PLA2G4A: variants seen among roughly 807,000 people sequenced by gnomAD.
PLA2G4A encodes the protein phospholipase A2 group IVA.
Under a neutral mutation model 81.9 loss-of-function variants are expected in PLA2G4A, and 40 were observed. That is an observed-to-expected ratio of 0.49 (90% CI 0.38 to 0.64). PLA2G4A has a LOEUF of 0.64. Ranked by LOEUF, PLA2G4A falls within the 30% of genes least tolerant of loss-of-function variation. The pLI, the probability that PLA2G4A is intolerant of heterozygous loss-of-function variation, is 0.00. For missense variants in PLA2G4A, 715 were observed against 905.1 expected, an observed-to-expected ratio of 0.79 and a Z score of 2.69; for synonymous variants, 302 against 296.9, an observed-to-expected ratio of 1.02 and a Z score of -0.18.
chr1:186,908,851 G>A (rs4650705), intron 6 of PLA2G4A, among the ~76,000 whole-genome samples: 144,813 of 151,878 alleles, frequency 0.95, 69,059 homozygotes, highest in East Asian at 1. Context: ...AAACATATAT[G>A]GAATGATGAA....
At chr1:186,941,990 T>A (rs1380797553) in intron 10 of PLA2G4A, among the ~76,000 whole-genome samples, 1 of 152,182 alleles carries the variant, frequency 6.6e-6, no homozygotes, top group African/African-American at 2.4e-5. Context: ...CCAGTACATT[T>A]TAACAATTTA....
chr1:186,901,695 T>G (rs570520632), intron 5 of PLA2G4A, among the ~76,000 whole-genome samples: 1 of 152,168 alleles, frequency 6.6e-6, no homozygotes, highest in Non-Finnish European at 1.5e-5. Context: ...CTGATGTCCA[T>G]GTAGGAAAAA....
At chr1:186,974,607 A>T (rs2102291124) in intron 15 of PLA2G4A, among the ~76,000 whole-genome samples, 1 of 152,366 alleles carries the variant, frequency 6.6e-6, no homozygotes, top group South Asian at 2.1e-4. Flanking sequence ...GTTTATCTTA[A>T]GTTAGTCTAT....
intron 7 of PLA2G4A, among the ~76,000 whole-genome samples, chr1:186,912,241 C>T (rs969387113): frequency 1.3e-5 from 2 of 152,168 alleles, no homozygotes; most frequent in African/African-American, 4.8e-5. Context: ...AACCATTATA[C>T]TCCCTAACTA....
chr1:186,834,320 G>T (rs1008559545), intron 1 of PLA2G4A, among the ~76,000 whole-genome samples: 2 of 151,882 alleles, frequency 1.3e-5, no homozygotes, highest in Non-Finnish European at 2.9e-5. Flanking sequence ...TAAGTTAGCA[G>T]TACAGGTATG....
chr1:186,919,162 GC>G (rs550071077), intron 7 of PLA2G4A, among the ~76,000 whole-genome samples: 1 of 152,156 alleles, frequency 6.6e-6, no homozygotes, highest in African/African-American at 2.4e-5. Flanking sequence ...TGTTGTAGAG[GC>G]CCCCATTCAA....
At chr1:186,883,381 G>A (rs1653809328) in intron 3 of PLA2G4A, among the ~76,000 whole-genome samples, 1 of 152,064 alleles carries the variant, frequency 6.6e-6, no homozygotes, top group African/African-American at 2.4e-5. Context: ...ATGCATTGTA[G>A]CTGCCATTTA....
At position 186,905,777 on chromosome 1, in the gene PLA2G4A, A is replaced by G. The variant is rs1047160636; in HGVS notation, c.379-1188A>G. Among the ~76,000 whole-genome samples, 6 of 152,134 alleles carry G rather than the reference A, an allele frequency of 3.9e-5. No homozygotes were observed. The South Asian group carries it at 8.3e-4, about 21-fold the overall frequency. ...ATCTGTTGTATGCCAAATACTATAC[A>G]ATGGACTAGTAATAGGAACCTATAT... On this transcript the variant is annotated intron_variant, in intron 5 of 17. Transcript: ENST00000367466.
At chr1:186,959,154 T>C (rs1656857371) in intron 14 of PLA2G4A, among the ~76,000 whole-genome samples, 1 of 151,980 alleles carries the variant, frequency 6.6e-6, no homozygotes, top group Non-Finnish European at 1.5e-5. Flanking sequence ...ACTTATAATG[T>C]GCTTGGTTCT....
At chr1:186,845,841 C>T (rs1016147311) in intron 1 of PLA2G4A, among the ~76,000 whole-genome samples, 14 of 152,090 alleles carry the variant, frequency 9.2e-5, no homozygotes, top group African/African-American at 2.2e-4. Flanking sequence ...TACATTGCAT[C>T]GGGAAGTATC....
chr1:186,934,443 C>CATATATGTATATATATATATAT (rs1655860279), intron 8 of PLA2G4A, among the ~76,000 whole-genome samples: 1 of 99,564 alleles, frequency 1.0e-5, no homozygotes, highest in Non-Finnish European at 1.9e-5. Context: ...TAAATGTGCA[C>CATATATGTATATATATATATAT]ATATATATAT....
At chr1:186,911,908 C>A (rs986771089) in intron 7 of PLA2G4A, among the ~76,000 whole-genome samples, 1 of 152,118 alleles carries the variant, frequency 6.6e-6, no homozygotes, top group Non-Finnish European at 1.5e-5. Flanking sequence ...AACTCCCAGT[C>A]AGAGGCTGGG....
intron 5 of PLA2G4A, among the ~76,000 whole-genome samples, chr1:186,900,455 G>A (rs894025906): frequency 2.0e-5 from 3 of 152,124 alleles, no homozygotes; most frequent in African/African-American, 7.2e-5. Context: ...TGATTTAACT[G>A]GATATCAAAC....
intron 2 of PLA2G4A, among the ~76,000 whole-genome samples, chr1:186,868,071 C>CTTTTTTTTTTTTTTTTTTTTTTTTTTT (rs59978011): frequency 8.9e-6 from 1 of 112,926 alleles, no homozygotes; most frequent in Non-Finnish European, 1.7e-5. Flanking sequence ...GTGTATAATT[C>CTTTTTTTTTTTTTTTTTTTTTTTTTTT]TTTTTTTTTT....
intron 17 of PLA2G4A, among the ~76,000 whole-genome samples, chr1:186,983,520 C>T (rs1015666767): frequency 5.9e-5 from 9 of 152,174 alleles, no homozygotes; most frequent in Non-Finnish European, 1.0e-4. Context: ...AGCTTGCCTG[C>T]TTTGCCAAAG....
chr1:186,857,328 A>G (rs1196236580), intron 2 of PLA2G4A, among the ~76,000 whole-genome samples: 1 of 122,494 alleles, frequency 8.2e-6, no homozygotes, highest in African/African-American at 3.1e-5. Flanking sequence ...AATATAATAT[A>G]AATATAATAT....
chr1:186,943,030 C>G (rs1227587510), intron 10 of PLA2G4A, among the ~76,000 whole-genome samples: 1 of 152,086 alleles, frequency 6.6e-6, no homozygotes, highest in Admixed American at 6.6e-5. Flanking sequence ...AATAGAGACA[C>G]GTCTGTAATT....
rs1011772868 is a variant in PLA2G4A, at chr1:186,910,027, A to G, written c.417-1221A>G. 2.2e-4 allele frequency among the ~76,000 whole-genome samples: 34 copies of G among 152,260 alleles called. 1 individual carries two copies. Among genetic ancestry groups the G allele is most frequent in the African/African-American group, 6.7e-4 (28 of 41,574 alleles). On this transcript the variant is annotated intron_variant, in intron 6 of 17. Coordinates refer to ENST00000367466, the MANE Select transcript of PLA2G4A (RefSeq NM_024420.3). The stretch of plus-strand genomic sequence containing the variant: ...GAAAATAAGTATTTAAAATATTTTA[A>G]TATCAATTATTTTAATAACAGTATC...
At chr1:186,948,140 A>G (rs1656407612) in intron 12 of PLA2G4A, among the ~76,000 whole-genome samples, 1 of 152,150 alleles carries the variant, frequency 6.6e-6, no homozygotes, top group South Asian at 2.1e-4. Flanking sequence ...AGTTCATAAT[A>G]TTTTCAAGAG....
Sources: allele counts gnomAD v4.1 joint callset (sites outside exome capture counted in the v4.1 genomes callset), GRCh38; gene constraint gnomAD v4.1.1; transcripts MANE v1.5; gene names NCBI Gene and HGNC (gene_info 2026-07-23, HGNC 2026-07-21).